The following DOCK5 variants were observed in gnomAD, a reference collection of about 807,000 sequenced individuals.
DOCK5 encodes dedicator of cytokinesis 5, also known as dedicator of cytokinesis protein 5.
DOCK5 carries 142 observed loss-of-function variants against 251.8 expected under a neutral mutation model. The ratio of observed to expected loss-of-function variants is 0.56; its 90% CI spans 0.49 to 0.65. The LOEUF (loss-of-function observed/expected upper bound fraction) is 0.65. Ranked by LOEUF, DOCK5 falls within the 30% of genes least tolerant of loss-of-function variation. The probability of loss-of-function intolerance (pLI) is 0.00; values close to 1 mark genes in which losing one functional copy is unlikely to be tolerated. For synonymous variants in DOCK5, 842 were observed against 835.5 expected, an observed-to-expected ratio of 1.01 and a Z score of -0.13; for missense variants, 2,111 against 2,312.3, an observed-to-expected ratio of 0.91 and a Z score of 1.79.
chr8:25,279,302 C>T lies in DOCK5; in HGVS notation c.321+637C>T, dbSNP rs1339047148. On this transcript the variant is annotated intron_variant, in intron 5 of 51. Transcript: ENST00000276440. ...ATTACAAGGAGCCAGCACATCCTCT[C>T]CGTAATAAACAATAAGCTCAAGTTG... Among the ~76,000 whole-genome samples, 3 of 152,244 alleles carry T rather than the reference C, an allele frequency of 2.0e-5. No homozygotes were observed. In the East Asian group the frequency reaches 5.8e-4, roughly 29 times the overall value.
chr8:25,378,480 T>A (rs1008594235), intron 38 of DOCK5, among the ~76,000 whole-genome samples: 1 of 152,204 alleles, frequency 6.6e-6, no homozygotes, highest in African/African-American at 2.4e-5. Context: ...TTGAAGTGTT[T>A]CCCAATGGCT....
At chr8:25,284,828 G>C (rs146869282) in intron 5 of DOCK5, among the ~76,000 whole-genome samples, 230 of 152,342 alleles carry the variant, frequency 1.5e-3, no homozygotes, top group African/African-American at 5.3e-3. Flanking sequence ...CTAAAAATCT[G>C]GTCTTGAAAC....
intron 13 of DOCK5, among the ~76,000 whole-genome samples, chr8:25,310,844 C>A (rs577139402): frequency 6.6e-6 from 1 of 152,112 alleles, no homozygotes; most frequent in Non-Finnish European, 1.5e-5. Context: ...CACTGATATA[C>A]GGTGTGCAAG....
At chr8:25,302,203 A>G in intron 9 of DOCK5, 122 bp from the exon 10 acceptor site, 1 of 1,341,092 alleles carries the variant, frequency 7.5e-7, no homozygotes. Context: ...AGTCGTTCTA[A>G]TACTTCAGCA....
At chr8:25,409,425 A>C (rs1036156934) in intron 50 of DOCK5, 16 of 170,944 alleles carry the variant, frequency 9.4e-5, no homozygotes, top group Admixed American at 8.2e-4. Context: ...CAAGAGTTAG[A>C]GATAATCAGT....
At chr8:25,309,541 A>G (rs899047271) in intron 12 of DOCK5, among the ~76,000 whole-genome samples, 1 of 152,200 alleles carries the variant, frequency 6.6e-6, no homozygotes, top group Non-Finnish European at 1.5e-5. Context: ...ATTATGCTCT[A>G]TTCTGAATAA....
intron 1 of DOCK5, among the ~76,000 whole-genome samples, 177 bp downstream of exon 1, chr8:25,185,128 G>T (rs574656616): frequency 1.3e-5 from 2 of 152,276 alleles, no homozygotes; most frequent in South Asian, 2.1e-4. Flanking sequence ...CGATGGGGAA[G>T]TCGCCCAGGG....
intron 40 of DOCK5, 27 bp from the exon 41 acceptor site, chr8:25,389,064 A>T (rs767609972): frequency 1.2e-6 from 2 of 1,610,256 alleles, no homozygotes; most frequent in Non-Finnish European, 1.7e-6. Context: ...CTATGTAATG[A>T]CTTCCCTTTC....
At position 25,407,996 on chromosome 8, in the gene DOCK5, C is replaced by A; in HGVS notation, c.5107C>A (p.Pro1703Thr). 6.2e-7 allele frequency: 1 copy of A among 1,611,774 alleles called. No homozygotes were observed. The highest frequency in any genetic ancestry group is 8.5e-7 in the Non-Finnish European group (1 of 1,179,080). ...CCTGGCCAATAGCTCAATCTTGGAG[C>A]CACTTTTGGAGCGCAGGGCCTCGTC... ...RPGSDGSILE[P>T]LLERRASSGA... Residue 1703 changes from proline (P) to threonine (T), a missense_variant, in exon 49 of 52, where the codon CCA (proline) becomes ACA (threonine). Pro to Thr is a conservative substitution (Grantham distance 38). This residue lies in a region of DOCK5 where 1,717 missense variants were observed against 1,892.4 expected (regional missense o/e 0.91). Transcript: ENST00000276440.
intron 11 of DOCK5, among the ~76,000 whole-genome samples, chr8:25,307,111 C>G (rs1293892909): frequency 6.6e-6 from 1 of 151,982 alleles, no homozygotes; most frequent in Non-Finnish European, 1.5e-5. Flanking sequence ...TGTTTCAGCT[C>G]CATTAATAAT....
At chr8:25,396,733 G>A (rs1050067710) in intron 45 of DOCK5, among the ~76,000 whole-genome samples, 5 of 151,688 alleles carry the variant, frequency 3.3e-5, no homozygotes, top group African/African-American at 1.2e-4. Context: ...GGAAGGGTGA[G>A]CAGCATTAAT....
intron 2 of DOCK5, among the ~76,000 whole-genome samples, chr8:25,246,615 C>T (rs1274109951): frequency 2.0e-5 from 3 of 151,836 alleles, no homozygotes; most frequent in East Asian, 1.9e-4. Context: ...ATGCCCCAAG[C>T]GGAAAGCAGC....
At chr8:25,345,254 ATTTT>A in intron 25 of DOCK5, 1 of 331,926 alleles carries the variant, frequency 3.0e-6, no homozygotes, top group Non-Finnish European at 5.4e-6. Context: ...GAGAAGGGTC[ATTTT>A]TTTTTTTTTT....
chr8:25,366,081 T>A (rs1800769067), intron 30 of DOCK5, among the ~76,000 whole-genome samples: 1 of 152,248 alleles, frequency 6.6e-6, no homozygotes, highest in Non-Finnish European at 1.5e-5. Flanking sequence ...TCATCTGTTC[T>A]ATGACTGGTC....
In DOCK5 at chr8:25,411,789, G is replaced by A. The variant is rs1801636239; in HGVS notation, c.*491G>A. The A allele has an allele frequency of 2.0e-5, 3 of 152,650 alleles. No individual in the cohort carries two copies. Among genetic ancestry groups the A allele is most frequent in the African/African-American group, 4.8e-5 (2 of 41,486 alleles). The allele number at this position is 152,650 out of a possible 1,614,324, so 9.5% of individuals were successfully genotyped here. ...AGAGATGGATATCAAGTACACTTTG[G>A]TAGCTGAAATAATCATATCTTTCTG... On this transcript the variant is annotated 3_prime_UTR_variant, in exon 52 of 52. Transcript: ENST00000276440.
chr8:25,237,454 G>A (rs1802832943), intron 1 of DOCK5, among the ~76,000 whole-genome samples: 1 of 152,202 alleles, frequency 6.6e-6, no homozygotes. Context: ...TGATCACTCA[G>A]TTTGCAGCCA....
chr8:25,285,218 G>A (rs548271892), intron 5 of DOCK5, among the ~76,000 whole-genome samples: 1 of 151,870 alleles, frequency 6.6e-6, no homozygotes, highest in African/African-American at 2.4e-5. Context: ...AGATCTTGGC[G>A]CACTGCAACC....
chr8:25,221,340 C>T lies in DOCK5; in HGVS notation c.44-22334C>T, dbSNP rs371366775. ...TTGTTTGTTTTTTGAGATGGAGTCTCGCTCTGTCGCCAGGCTGGAGTACAG... is the reference window on the plus strand; with the variant it reads ...TTGTTTGTTTTTTGAGATGGAGTCTTGCTCTGTCGCCAGGCTGGAGTACAG... On this transcript the variant is annotated intron_variant, in intron 1 of 51. Coordinates refer to ENST00000276440, the MANE Select transcript of DOCK5 (RefSeq NM_024940.8). 6.2e-4 allele frequency among the ~76,000 whole-genome samples: 95 copies of T among 152,234 alleles called. 1 individual carries two copies. The South Asian group carries it at 0.011, about 18-fold the overall frequency.
chr8:25,303,790 T>C (rs1804828197), intron 10 of DOCK5, among the ~76,000 whole-genome samples: 1 of 152,052 alleles, frequency 6.6e-6, no homozygotes. Context: ...GGTGAAACTC[T>C]GTCTATACTA....
Sources: allele counts gnomAD v4.1 joint callset (sites outside exome capture counted in the v4.1 genomes callset), GRCh38; gene constraint gnomAD v4.1.1; regional missense constraint gnomAD v4.1.1; transcripts MANE v1.5; gene names NCBI Gene and HGNC (gene_info 2026-07-23, HGNC 2026-07-21).